ANK2: variants seen among roughly 807,000 people sequenced by gnomAD.
ANK2 encodes ankyrin 2, also known as ankyrin-2.
Under a neutral mutation model 360.5 loss-of-function variants are expected in ANK2, and 83 were observed. That is an observed-to-expected ratio of 0.23 (90% CI 0.19 to 0.28). The LOEUF (loss-of-function observed/expected upper bound fraction) is 0.28. Ranked by LOEUF, ANK2 falls within the 10% of genes least tolerant of loss-of-function variation. ANK2 has a pLI of 1.00. For missense variants in ANK2, 4,201 were observed against 4,795.7 expected (o/e 0.88, Z 3.66); for synonymous variants, 1,740 against 1,759.5 (o/e 0.99, Z 0.28).
At chr4:113,016,388 G>A (rs940029619) in intron 2 of ANK2, among the ~76,000 whole-genome samples, 1 of 152,126 alleles carries the variant, frequency 6.6e-6, no homozygotes, top group African/African-American at 2.4e-5. Context: ...GGCAGTTTGT[G>A]CCTATGTGCC....
chr4:112,766,464 T>C, the ANK2 span, among the ~76,000 whole-genome samples: 1 of 152,198 alleles, frequency 6.6e-6, no homozygotes, highest in Non-Finnish European at 1.5e-5. Context: ...AAATTCAGCT[T>C]ATACTGGATT....
the ANK2 span, among the ~76,000 whole-genome samples, chr4:112,799,981 A>G: frequency 1.3e-5 from 2 of 152,118 alleles, no homozygotes; most frequent in African/African-American, 2.4e-5. Context: ...ATGAACAAGA[A>G]TCCACACACC....
chr4:113,039,068 A>T (rs925385593), intron 2 of ANK2, among the ~76,000 whole-genome samples: 1 of 152,090 alleles, frequency 6.6e-6, no homozygotes, highest in Non-Finnish European at 1.5e-5. Flanking sequence ...ACCATTCCTG[A>T]CTGGATGGTA....
At chr4:113,237,566 CT>C in intron 6 of ANK2, 32 bp from the exon 7 acceptor site, 1 of 1,594,186 alleles carries the variant, frequency 6.3e-7, no homozygotes. Flanking sequence ...TGTGTAATAT[CT>C]TCCCTCTTTC....
At chr4:113,202,262 C>T (rs916440188) in intron 4 of ANK2, among the ~76,000 whole-genome samples, 29 of 152,140 alleles carry the variant, frequency 1.9e-4, no homozygotes, top group African/African-American at 6.8e-4. Context: ...CCACTGAGGG[C>T]TGATTTGAGT....
chr4:113,311,301 G>A lies in ANK2; in HGVS notation c.2595G>A (p.Glu865=), dbSNP rs779350791. Residue 865 remains glutamate, a synonymous_variant, in exon 24 of 46, where the codon GAG becomes GAA. Transcript: ENST00000357077. ...TGDGGEYLRP[E]DLKELGDDSL... ...ATGGGGGAGAATACCTTAGGCCTGA[G>A]GACCTAAAAGAACTGGGTGATGACT... 2.5e-6 allele frequency: 4 copies of A among 1,614,088 alleles called. No individual in the cohort carries two copies. The highest frequency in any genetic ancestry group is 4.5e-5 in the East Asian group (2 of 44,874).
At chr4:113,006,324 C>A (rs2052833664) in intron 2 of ANK2, among the ~76,000 whole-genome samples, 1 of 152,042 alleles carries the variant, frequency 6.6e-6, no homozygotes, top group African/African-American at 2.4e-5. Context: ...AAAGCTCCCA[C>A]ATTCAATAAG....
intron 1 of ANK2, among the ~76,000 whole-genome samples, chr4:113,167,480 G>T (rs909948577): frequency 1.3e-5 from 2 of 151,834 alleles, no homozygotes; most frequent in South Asian, 4.2e-4. Context: ...TGTGTTTTTA[G>T]TAGAAATGGG....
intron 1 of ANK2, among the ~76,000 whole-genome samples, chr4:113,162,213 C>CTT (rs113791408): frequency 3.3e-5 from 5 of 149,722 alleles, no homozygotes; most frequent in African/African-American, 9.8e-5. Context: ...AGTTTTACAG[C>CTT]TTTTTTTTTT....
At position 113,356,296 on chromosome 4, in the gene ANK2, C is replaced by T. The variant is rs762896657; in HGVS notation, c.7678C>T (p.Pro2560Ser). Residue 2560 changes from proline (P) to serine (S), a missense_variant, in exon 38 of 46, where the codon CCA (proline) becomes TCA (serine). Physicochemically the swap from Pro to Ser is moderately conservative, Grantham distance 74. Coordinates refer to ENST00000357077, the MANE Select transcript of ANK2 (RefSeq NM_001148.6). ...VTPKTTDVST[P>S]KPAVIHECAE... ...ACCCAAAACCACAGATGTAAGTACACCAAAACCAGCTGTGATTCATGAATG... is the reference window on the plus strand; with the variant it reads ...ACCCAAAACCACAGATGTAAGTACATCAAAACCAGCTGTGATTCATGAATG... 1 of 1,614,084 alleles carries T rather than the reference C, an allele frequency of 6.2e-7. No homozygotes were observed. The highest frequency in any genetic ancestry group is 1.3e-5 in the African/African-American group (1 of 75,004).
intron 1 of ANK2, among the ~76,000 whole-genome samples, chr4:112,874,515 G>T (rs1028834803): frequency 1.3e-5 from 2 of 151,098 alleles, no homozygotes; most frequent in Non-Finnish European, 3.0e-5. Flanking sequence ...GCTGGCAGGC[G>T]CCTGTAATCC....
At position 113,357,848 on chromosome 4, in the gene ANK2, G is replaced by A; in HGVS notation, c.9230G>A (p.Gly3077Asp). The change falls in exon 38 of 46, where the codon GGT becomes GAT. Residue 3077 changes from glycine (G) to aspartate (D), a missense_variant. Transcript: ENST00000357077. ...TTGATGGTAGACAGACAATCACAGGGTACCACCCCTGACACCACTCCTGCT... is the reference window on the plus strand; with the variant it reads ...TTGATGGTAGACAGACAATCACAGGATACCACCCCTGACACCACTCCTGCT... ...FGLMVDRQSQ[G>D]TTPDTTPART... 1.2e-6 allele frequency: 2 copies of A among 1,613,988 alleles called. No homozygotes were observed. Among genetic ancestry groups the A allele is most frequent in the Non-Finnish European group, 8.5e-7 (1 of 1,179,954 alleles).
chr4:113,153,935 G>A (rs945915727), intron 1 of ANK2, among the ~76,000 whole-genome samples: 8 of 152,236 alleles, frequency 5.3e-5, no homozygotes, highest in African/African-American at 1.9e-4. Flanking sequence ...TGTGTTGCAA[G>A]AGGCTGACTT....
chr4:112,792,802 A>G, the ANK2 span, among the ~76,000 whole-genome samples: 2 of 152,172 alleles, frequency 1.3e-5, no homozygotes, highest in African/African-American at 4.8e-5. Context: ...ATAGACCCCA[A>G]AGAAAGGAGA....
intron 31 of ANK2, among the ~76,000 whole-genome samples, chr4:113,338,578 C>A (rs1325318713): frequency 3.7e-5 from 4 of 107,726 alleles, no homozygotes; most frequent in Non-Finnish European, 6.7e-5. Context: ...GAGACGGAGT[C>A]TTGCTCTGTC....
At chr4:113,305,962 A>G (rs998127778) in intron 23 of ANK2, among the ~76,000 whole-genome samples, 1 of 152,228 alleles carries the variant, frequency 6.6e-6, no homozygotes, top group Non-Finnish European at 1.5e-5. Flanking sequence ...AAGACTTTAC[A>G]TTGAGATGTC....
Position 113,049,802 on chromosome 4 carries a change from G to T in ANK2, c.74G>T (p.Arg25Ile). Residue 25 changes from arginine (R) to isoleucine (I), a missense_variant, in exon 1 of 46, where the codon AGA becomes ATA. Coordinates refer to ENST00000357077, the MANE Select transcript of ANK2 (RefSeq NM_001148.6). ...AACGGCAGTAGTCAGAGGAGAAAAA[G>T]ACCCAAGAAGGTAAATCGCCGGAAT... ...KFNGSSQRRK[R>I]PKKSDSNASF... 6.2e-7 allele frequency: 1 copy of T among 1,613,758 alleles called. No individual in the cohort carries two copies. Among genetic ancestry groups the T allele is most frequent in the South Asian group, 1.1e-5 (1 of 91,066 alleles).
At chr4:113,205,613 T>C (rs949385574) in intron 4 of ANK2, among the ~76,000 whole-genome samples, 5 of 152,220 alleles carry the variant, frequency 3.3e-5, no homozygotes, top group African/African-American at 1.2e-4. Flanking sequence ...CTTTTGGATT[T>C]CTACAGACCA....
intron 1 of ANK2, among the ~76,000 whole-genome samples, chr4:113,163,166 G>T (rs1032248987): frequency 1.3e-5 from 2 of 152,086 alleles, no homozygotes; most frequent in Admixed American, 6.6e-5. Context: ...TGACACTGTT[G>T]TGCACCAGTG....
Sources: allele counts gnomAD v4.1 joint callset (sites outside exome capture counted in the v4.1 genomes callset), GRCh38; gene constraint gnomAD v4.1.1; transcripts MANE v1.5; gene names NCBI Gene and HGNC (gene_info 2026-07-23, HGNC 2026-07-21).